MAPK1IP1L: variants seen among roughly 807,000 people sequenced by gnomAD.
MAPK1IP1L encodes MAPK-interacting and spindle-stabilizing protein-like.
MAPK1IP1L carries 10 observed loss-of-function variants against 18.1 expected under a neutral mutation model. The observed-to-expected ratio is 0.55, with a 90% CI of 0.34 to 0.94. The LOEUF is 0.94. Among genes scored for constraint, MAPK1IP1L ranks in the 40% least tolerant of loss-of-function variants. The pLI is 0.02. For missense variants in MAPK1IP1L, 260 were observed against 318.2 expected, an observed-to-expected ratio of 0.82 and a Z score of 1.39; for synonymous variants, 115 against 117.3, an observed-to-expected ratio of 0.98 and a Z score of 0.13.
At position 55,068,435 on chromosome 14, in the gene MAPK1IP1L, GTCAA is replaced by G. The variant is rs1411496251; in HGVS notation, c.*3810_*3813del. 1.3e-5 allele frequency: 2 copies of G among 152,606 alleles called. No individual in the cohort carries two copies. Among genetic ancestry groups the G allele is most frequent in the African/African-American group, 4.8e-5 (2 of 41,426 alleles). 9.5% of individuals were successfully genotyped at this position (152,606 alleles called of 1,614,324 possible). A position where few individuals can be genotyped will look rare whatever the true frequency, so the allele number is the denominator to read the frequency against. On this transcript the variant is annotated 3_prime_UTR_variant, in exon 4 of 4. Transcript: ENST00000395468. ...AAGACTGTGCCTGGGTTGAATATCA[GTCAA>G]TTGCCTACACTTCTAAACAATAAGT...
intron 1 of MAPK1IP1L, among the ~76,000 whole-genome samples, chr14:55,057,484 C>T (rs974398995): frequency 5.9e-5 from 9 of 152,122 alleles, no homozygotes; most frequent in Non-Finnish European, 1.2e-4. Context: ...ATGAGCTGGG[C>T]GCAGTGGCTC....
chr14:55,066,900 A>AT lies in MAPK1IP1L; in HGVS notation c.*2288dup, dbSNP rs10545370. On this transcript the variant is annotated 3_prime_UTR_variant, in exon 4 of 4. Coordinates refer to ENST00000395468, the MANE Select transcript of MAPK1IP1L (RefSeq NM_144578.4). ...ACTTTGCAACTGGTATTTGGGGGAGATTTTTTTTTTTTTTTGAGACGGAGT... is the reference window on the plus strand; with the variant it reads ...ACTTTGCAACTGGTATTTGGGGGAGATTTTTTTTTTTTTTTTGAGACGGAGT... The AT allele has an allele frequency of 2.2e-3, 321 of 144,444 alleles. No individual in the cohort carries two copies. The highest frequency in any genetic ancestry group is 7.0e-3 in the Middle Eastern group (2 of 284). The allele number at this position is 144,444 out of a possible 1,614,324, so 8.9% of individuals were successfully genotyped here.
intron 1 of MAPK1IP1L, among the ~76,000 whole-genome samples, chr14:55,056,963 G>T (rs1384698747): frequency 1.3e-5 from 2 of 152,164 alleles, no homozygotes. Flanking sequence ...ATACTGTATT[G>T]ATAGGTCAAA....
At chr14:55,057,198 C>T (rs545013617) in intron 1 of MAPK1IP1L, among the ~76,000 whole-genome samples, 85 of 152,314 alleles carry the variant, frequency 5.6e-4, no homozygotes, top group African/African-American at 2.0e-3. Flanking sequence ...TATCACTCAA[C>T]ATTTCATTAT....
At chr14:55,054,565 T>C (rs1422525339) in intron 1 of MAPK1IP1L, among the ~76,000 whole-genome samples, 1 of 152,238 alleles carries the variant, frequency 6.6e-6, no homozygotes, top group Non-Finnish European at 1.5e-5. Flanking sequence ...ACTTTATAGA[T>C]TAAGTGTGTT....
intron 1 of MAPK1IP1L, among the ~76,000 whole-genome samples, chr14:55,059,727 A>G (rs112365184): frequency 0.029 from 4,418 of 152,236 alleles, 81 homozygotes; most frequent in South Asian, 0.061. Flanking sequence ...TAACTTGCCA[A>G]GCTTCCTCTT....
intron 2 of MAPK1IP1L, among the ~76,000 whole-genome samples, chr14:55,061,913 G>T (rs1201008183): frequency 6.6e-6 from 1 of 152,188 alleles, no homozygotes; most frequent in Non-Finnish European, 1.5e-5. Flanking sequence ...ACTCCTGCCT[G>T]GGTGACAGAG....
chr14:55,062,535 G>C, intron 2 of MAPK1IP1L, 83 bp from the exon 3 acceptor site: 1 of 1,112,822 alleles, frequency 9.0e-7, no homozygotes, highest in Non-Finnish European at 1.3e-6. Context: ...TGCCCCTATA[G>C]GTTACTATTC....
intron 1 of MAPK1IP1L, among the ~76,000 whole-genome samples, chr14:55,058,322 A>G (rs2042787592): frequency 6.6e-6 from 1 of 152,238 alleles, no homozygotes; most frequent in Admixed American, 6.5e-5. Flanking sequence ...ACGTCTTTCG[A>G]GGACCTGCTA....
At position 55,062,583 on chromosome 14, in the gene MAPK1IP1L, CTAGATAGGAAAGACGT is replaced by C. The variant is rs751029092; in HGVS notation, c.19-34_19-19del. The C allele has an allele frequency of 1.2e-5, 18 of 1,541,320 alleles. No individual in the cohort carries two copies. Among genetic ancestry groups the C allele is most frequent in the Non-Finnish European group, 1.6e-5 (18 of 1,134,414 alleles). On this transcript the variant is annotated intron_variant, in intron 2 of 3. Coordinates refer to ENST00000395468, the MANE Select transcript of MAPK1IP1L (RefSeq NM_144578.4). The stretch of plus-strand genomic sequence containing the variant: ...TAATGGTGTTCGATGTAACTTTTCC[CTAGATAGGAAAGACGT>C]ATCTGTTTTGTGTTCCAGTTGGCAG...
At position 55,051,739 on chromosome 14, in the gene MAPK1IP1L, T is replaced by C. The variant is rs772285906; in HGVS notation, c.-69T>C. On this transcript the variant is annotated 5_prime_UTR_variant, in exon 1 of 4. Transcript: ENST00000395468. ...CGTCAGTCAGGCTGCGCCCGCGTCT[T>C]CAGGGCCCAGTCCCTCGGACCCATC... is the stretch of plus-strand genomic sequence containing the variant. 1 of 516,098 alleles carries C rather than the reference T, an allele frequency of 1.9e-6. No individual in the cohort carries two copies. The highest frequency in any genetic ancestry group is 3.9e-6 in the Non-Finnish European group (1 of 259,376). The allele number at this position is 516,098 out of a possible 1,614,324, so 32.0% of individuals were successfully genotyped here.
At chr14:55,054,731 T>G (rs2042757992) in intron 1 of MAPK1IP1L, among the ~76,000 whole-genome samples, 1 of 152,186 alleles carries the variant, frequency 6.6e-6, no homozygotes, top group Admixed American at 6.5e-5. Context: ...CATCACAATT[T>G]GAAGGCTGTC....
chr14:55,055,787 G>A (rs969154672), intron 1 of MAPK1IP1L, among the ~76,000 whole-genome samples: 2 of 152,028 alleles, frequency 1.3e-5, no homozygotes, highest in African/African-American at 2.4e-5. Flanking sequence ...AAAATTAGCC[G>A]GGCGTGGTGG....
At chr14:55,058,606 G>A (rs1185483471) in intron 1 of MAPK1IP1L, among the ~76,000 whole-genome samples, 2 of 152,116 alleles carry the variant, frequency 1.3e-5, no homozygotes, top group African/African-American at 4.8e-5. Context: ...TGAGGCGGGC[G>A]GATCACGTGA....
At chr14:55,060,970 C>T (rs2042813218) in intron 1 of MAPK1IP1L, among the ~76,000 whole-genome samples, 1 of 152,076 alleles carries the variant, frequency 6.6e-6, no homozygotes. Flanking sequence ...AGACACCTGT[C>T]TCTGCAATAA....
chr14:55,054,177 C>CTT (rs371063665), intron 1 of MAPK1IP1L, among the ~76,000 whole-genome samples: 2,031 of 127,234 alleles, frequency 0.016, 70 homozygotes, highest in East Asian at 0.093. Flanking sequence ...TTTATATTTT[C>CTT]TTTTTTTTTT....
chr14:55,059,057 G>A (rs981926299), intron 1 of MAPK1IP1L, among the ~76,000 whole-genome samples: 2 of 151,596 alleles, frequency 1.3e-5, no homozygotes, highest in African/African-American at 4.8e-5. Context: ...TCTCCCTCAG[G>A]TACCGAGGGA....
intron 1 of MAPK1IP1L, among the ~76,000 whole-genome samples, chr14:55,055,994 C>T (rs1252003888): frequency 1.3e-5 from 2 of 152,140 alleles, no homozygotes; most frequent in East Asian, 3.8e-4. Flanking sequence ...ATGTTCGGAC[C>T]TTAGGTAATT....
intron 3 of MAPK1IP1L, among the ~76,000 whole-genome samples, chr14:55,064,260 C>T (rs1226345255): frequency 6.6e-6 from 1 of 151,174 alleles, no homozygotes; most frequent in African/African-American, 2.4e-5. Flanking sequence ...TCCCAAAGTG[C>T]TGGGATTACA....
Sources: allele counts gnomAD v4.1 joint callset (sites outside exome capture counted in the v4.1 genomes callset), GRCh38; gene constraint gnomAD v4.1.1; transcripts MANE v1.5; gene names NCBI Gene and HGNC (gene_info 2026-07-23, HGNC 2026-07-21).